The following ERICH1 variants were observed in gnomAD, a reference collection of about 807,000 sequenced individuals.
ERICH1 encodes the protein glutamate rich 1, also known as glutamate-rich protein 1.
In ERICH1, 56 loss-of-function variants were observed where a neutral mutation model predicts 39.6. That is an observed-to-expected ratio of 1.41 (90% CI 1.14 to 1.77). ERICH1 has a LOEUF of 1.77. ERICH1 is among the 40% of genes most tolerant of loss of function. The probability of loss-of-function intolerance (pLI) is 0.00; values close to 1 mark genes in which losing one functional copy is unlikely to be tolerated. For missense variants in ERICH1, 826 were observed against 575.4 expected (o/e 1.44, Z -4.45); for synonymous variants, 313 against 223.6 (o/e 1.40, Z -3.57).
rs1801853382 is a variant in ERICH1, at chr8:664,247, A to T, written c.*356T>A. The T allele has an allele frequency of 5.0e-6, 5 of 998,848 alleles. No individual in the cohort carries two copies. The South Asian group carries it at 1.4e-4, about 28-fold the overall frequency. The allele number at this position is 998,848 out of a possible 1,614,324, so 61.9% of individuals were successfully genotyped here. The stretch of plus-strand genomic sequence containing the variant: ...TACCCAGAAAGCATTCTTAAAGCAG[A>T]GACTTTCAGATACAAGGTGATTCAA... On this transcript the variant is annotated 3_prime_UTR_variant, in exon 6 of 6. Transcript: ENST00000262109.
intron 2 of ERICH1, among the ~76,000 whole-genome samples, chr8:693,105 A>G (rs892625797): frequency 6.6e-6 from 1 of 151,890 alleles, no homozygotes; most frequent in Non-Finnish European, 1.5e-5. Context: ...CAGACACACA[A>G]ACATCCACAA....
At position 664,361 on chromosome 8, in the gene ERICH1, A is replaced by G; in HGVS notation, c.*242T>C. ...TTTTTACAATAAGTAGAGAAACAGA[A>G]TCAAGTTTTATGTAGTAATTCAAGA... On this transcript the variant is annotated 3_prime_UTR_variant, in exon 6 of 6. Coordinates refer to ENST00000262109, the MANE Select transcript of ERICH1 (RefSeq NM_207332.3). 1.7e-6 allele frequency: 2 copies of G among 1,147,398 alleles called. No homozygotes were observed. The highest frequency in any genetic ancestry group is 2.1e-6 in the Non-Finnish European group (2 of 934,158). The allele number at this position is 1,147,398 out of a possible 1,614,324, so 71.1% of individuals were successfully genotyped here.
chr8:728,690 C>G (rs547650108), intron 1 of ERICH1, among the ~76,000 whole-genome samples: 3 of 152,176 alleles, frequency 2.0e-5, no homozygotes, highest in African/African-American at 7.2e-5. Flanking sequence ...AGTTCATGGT[C>G]GGAGCTGCAC....
At chr8:616,315 G>C (rs769777129) in intron 3 of ERICH1, 9 of 338,854 alleles carry the variant, frequency 2.7e-5, no homozygotes, top group Admixed American at 3.9e-5. Context: ...CATGGGGCAA[G>C]AGGGACGCGT....
At chr8:673,086 A>C (rs947025186) in intron 4 of ERICH1, among the ~76,000 whole-genome samples, 1 of 152,264 alleles carries the variant, frequency 6.6e-6, no homozygotes, top group African/African-American at 2.4e-5. Context: ...TCATCGGTGG[A>C]AAGCACATAA....
At chr8:691,555 T>TTCACCCAGAGGAATTTATCTTCA (rs1808923514) in intron 3 of ERICH1, among the ~76,000 whole-genome samples, 1 of 152,258 alleles carries the variant, frequency 6.6e-6, no homozygotes, top group African/African-American at 2.4e-5. Context: ...ATGAAGCATA[T>TTCACCCAGAGGAATTTATCTTCA]TCACCCAGAG....
intron 3 of ERICH1, among the ~76,000 whole-genome samples, chr8:643,977 C>A (rs1622820): frequency 6.6e-6 from 1 of 152,118 alleles, no homozygotes; most frequent in African/African-American, 2.4e-5. Flanking sequence ...GTGGGCCTGA[C>A]GGGGCGGGGG....
chr8:680,886 C>T (rs576892920), intron 3 of ERICH1, among the ~76,000 whole-genome samples: 7 of 152,314 alleles, frequency 4.6e-5, no homozygotes, highest in African/African-American at 9.6e-5. Flanking sequence ...GTGAGCAGAT[C>T]CACTGGGGCT....
intron 3 of ERICH1, among the ~76,000 whole-genome samples, chr8:649,798 G>A (rs1191139354): frequency 1.3e-5 from 2 of 152,232 alleles, no homozygotes; most frequent in Non-Finnish European, 2.9e-5. Flanking sequence ...GCCGCACAGG[G>A]CGGACGGCGT....
chr8:697,618 C>T (rs969122699), intron 2 of ERICH1, among the ~76,000 whole-genome samples: 4 of 152,182 alleles, frequency 2.6e-5, no homozygotes, highest in Non-Finnish European at 5.9e-5. Context: ...AGGGCAGGTT[C>T]TACCAGCTCT....
intron 5 of ERICH1, among the ~76,000 whole-genome samples, chr8:665,568 G>A (rs1163509739): frequency 1.3e-5 from 2 of 152,236 alleles, no homozygotes; most frequent in Non-Finnish European, 2.9e-5. Flanking sequence ...CAACAGTCAG[G>A]ATGATAAAAA....
chr8:683,789 T>C (rs191889297), intron 3 of ERICH1, among the ~76,000 whole-genome samples: 167 of 152,348 alleles, frequency 1.1e-3, no homozygotes, highest in African/African-American at 3.9e-3. Context: ...AAAGGTTGGT[T>C]TTCCTCTGGA....
chr8:654,551 A>G (rs1239742833), intron 3 of ERICH1, among the ~76,000 whole-genome samples: 1 of 152,226 alleles, frequency 6.6e-6, no homozygotes, highest in Non-Finnish European at 1.5e-5. Flanking sequence ...CCATACATCA[A>G]AAAACATTGA....
intron 4 of ERICH1, among the ~76,000 whole-genome samples, chr8:671,279 G>A (rs1255803542): frequency 3.2e-4 from 26 of 80,436 alleles, no homozygotes; most frequent in East Asian, 2.9e-3. Flanking sequence ...CACTGAGCGC[G>A]CTGGTCCCCA....
At chr8:679,435 C>G (rs1440473717) in intron 3 of ERICH1, among the ~76,000 whole-genome samples, 1 of 150,292 alleles carries the variant, frequency 6.7e-6, no homozygotes, top group Non-Finnish European at 1.5e-5. Context: ...AAGCTCTGGC[C>G]GTCACAGCTC....
intron 2 of ERICH1, among the ~76,000 whole-genome samples, chr8:712,692 C>A (rs1437959416): frequency 1.3e-5 from 2 of 152,194 alleles, no homozygotes; most frequent in Non-Finnish European, 2.9e-5. Flanking sequence ...CCACCTTGGC[C>A]TCCCAAAGTG....
chr8:632,005 G>A (rs1366819728), intron 3 of ERICH1, among the ~76,000 whole-genome samples: 1 of 152,120 alleles, frequency 6.6e-6, no homozygotes, highest in Non-Finnish European at 1.5e-5. Context: ...ATGCTGCTTA[G>A]AACTCCCAAA....
At chr8:724,918 G>C (rs1254042937) in intron 1 of ERICH1, among the ~76,000 whole-genome samples, 3 of 152,082 alleles carry the variant, frequency 2.0e-5, no homozygotes, top group African/African-American at 7.2e-5. Flanking sequence ...AGGGAGCCAC[G>C]GCTGCCCCAT....
intron 2 of ERICH1, among the ~76,000 whole-genome samples, chr8:696,532 G>A (rs368947164): frequency 2.3e-4 from 7 of 30,538 alleles, no homozygotes; most frequent in East Asian, 4.7e-3. Flanking sequence ...ATCAGCCTGT[G>A]CGCGCTCCTC....
Sources: gnomAD v4.1 joint callset for allele counts (sites outside exome capture counted in the v4.1 genomes callset) on GRCh38, gnomAD v4.1.1 for gene constraint, MANE v1.5 for transcripts, NCBI Gene and HGNC (gene_info 2026-07-23, HGNC 2026-07-21) for gene names.